Variants in UBE2R2 observed in about 807,000 individuals in gnomAD.
UBE2R2 encodes the protein ubiquitin conjugating enzyme E2 R2.
Under a neutral mutation model 27.8 loss-of-function variants are expected in UBE2R2, and 1 was observed. The observed-to-expected ratio is 0.04, with a 90% CI of 0.01 to 0.17. UBE2R2 has a LOEUF of 0.17. Ranked by LOEUF, UBE2R2 falls within the 10% of genes least tolerant of loss-of-function variation. The probability of loss-of-function intolerance (pLI) is 1.00; values close to 1 mark genes in which losing one functional copy is unlikely to be tolerated. For synonymous variants in UBE2R2, 106 were observed against 113.3 expected (o/e 0.94, Z 0.41); for missense variants, 100 against 291.0 (o/e 0.34, Z 4.78).
At chr9:33,834,952 T>C (rs2130731596) in intron 1 of UBE2R2, among the ~76,000 whole-genome samples, 1 of 151,326 alleles carries the variant, frequency 6.6e-6, no homozygotes, top group Admixed American at 6.6e-5. Context: ...AAAGAAAATA[T>C]TGATAAACAA....
intron 1 of UBE2R2, among the ~76,000 whole-genome samples, chr9:33,833,735 A>G (rs910076906): frequency 1.3e-5 from 2 of 152,076 alleles, no homozygotes; most frequent in African/African-American, 2.4e-5. Flanking sequence ...ATCATGACCT[A>G]TTTTCTAAAC....
intron 1 of UBE2R2, among the ~76,000 whole-genome samples, chr9:33,859,167 T>C (rs1821169538): frequency 6.6e-6 from 1 of 152,170 alleles, no homozygotes; most frequent in African/African-American, 2.4e-5. Context: ...CTATGAATTG[T>C]GGTTTCTGAG....
At chr9:33,841,126 A>G (rs1375053613) in intron 1 of UBE2R2, among the ~76,000 whole-genome samples, 1 of 150,646 alleles carries the variant, frequency 6.6e-6, no homozygotes, top group Non-Finnish European at 1.5e-5. Flanking sequence ...TTTATCCCCC[A>G]GGCTGGTGTG....
At chr9:33,834,192 CTTTTTTTTTTTCTT>C (rs1820560905) in intron 1 of UBE2R2, among the ~76,000 whole-genome samples, 1 of 141,112 alleles carries the variant, frequency 7.1e-6, no homozygotes, top group South Asian at 2.2e-4. Context: ...CTTGGAGCTT[CTTTTTTTTTTTCTT>C]TTTTTTTTTT....
chr9:33,845,646 C>T (rs576531653), intron 1 of UBE2R2, among the ~76,000 whole-genome samples: 1 of 152,238 alleles, frequency 6.6e-6, no homozygotes, highest in African/African-American at 2.4e-5. Flanking sequence ...GAGCCATCCA[C>T]CTAATTTAGT....
At chr9:33,877,094 G>A (rs1241775393) in intron 1 of UBE2R2, among the ~76,000 whole-genome samples, 3 of 151,102 alleles carry the variant, frequency 2.0e-5, no homozygotes, top group Non-Finnish European at 4.4e-5. Context: ...CAGTGAGCTG[G>A]ACAACAGAGC....
At chr9:33,908,217 C>T (rs1397214428) in intron 3 of UBE2R2, among the ~76,000 whole-genome samples, 1 of 152,206 alleles carries the variant, frequency 6.6e-6, no homozygotes, top group African/African-American at 2.4e-5. Context: ...CATCCATCTG[C>T]CTGAGGAGAC....
At chr9:33,911,604 A>T (rs1173031516) in intron 3 of UBE2R2, among the ~76,000 whole-genome samples, 1 of 152,106 alleles carries the variant, frequency 6.6e-6, no homozygotes, top group African/African-American at 2.4e-5. Flanking sequence ...ACATGTGACC[A>T]GTTGAAACAG....
chr9:33,850,722 C>G (rs1026802327), intron 1 of UBE2R2, among the ~76,000 whole-genome samples: 16 of 152,026 alleles, frequency 1.1e-4, no homozygotes, highest in African/African-American at 3.9e-4. Context: ...AAAAATAGTT[C>G]ACATATATAG....
rs192377967 is a variant in UBE2R2 at position 33,917,511 on chromosome 9, A to C, written c.*274A>C. On this transcript the variant is annotated 3_prime_UTR_variant, in exon 5 of 5. Coordinates refer to ENST00000263228, the MANE Select transcript of UBE2R2 (RefSeq NM_017811.4). ...CTTTTTTTAAAAAATATGAACCCAA[A>C]CTCCCGCCTCACTTCGTCTCTACAG... is the stretch of plus-strand genomic sequence containing the variant. 80 of 540,570 alleles carry C rather than the reference A, an allele frequency of 1.5e-4. No homozygotes were observed. In the East Asian group the frequency reaches 2.3e-3, roughly 15 times the overall value. The allele number at this position is 540,570 out of a possible 1,614,324, so 33.5% of individuals were successfully genotyped here. A position where few individuals can be genotyped will look rare whatever the true frequency, so the allele number is the denominator to read the frequency against.
upstream of UBE2R2, among the ~76,000 whole-genome samples, chr9:33,817,057 G>A (rs1438039618): frequency 6.6e-6 from 1 of 151,166 alleles, no homozygotes; most frequent in East Asian, 2.0e-4. Context: ...GGGGGGAGGG[G>A]AGGGAGGGGC....
chr9:33,821,812 T>G (rs1825986061), intron 1 of UBE2R2, among the ~76,000 whole-genome samples: 1 of 151,738 alleles, frequency 6.6e-6, no homozygotes, highest in Non-Finnish European at 1.5e-5. Context: ...AGAGACAGGG[T>G]TTCACCATGT....
At chr9:33,840,857 ATTC>A (rs1820718487) in intron 1 of UBE2R2, among the ~76,000 whole-genome samples, 1 of 152,118 alleles carries the variant, frequency 6.6e-6, no homozygotes, top group African/African-American at 2.4e-5. Flanking sequence ...GCCTTTATTT[ATTC>A]TTTTTTCAAA....
At chr9:33,869,504 T>C (rs1321530097) in intron 1 of UBE2R2, among the ~76,000 whole-genome samples, 3 of 152,022 alleles carry the variant, frequency 2.0e-5, no homozygotes, top group Non-Finnish European at 2.9e-5. Flanking sequence ...TGGAGTGTAA[T>C]GGTGCAGTCT....
intron 1 of UBE2R2, among the ~76,000 whole-genome samples, chr9:33,849,306 A>G (rs1010468264): frequency 6.6e-6 from 1 of 152,178 alleles, no homozygotes; most frequent in African/African-American, 2.4e-5. Flanking sequence ...TAATATGTGC[A>G]CTGCTCTGTG....
chr9:33,912,614 A>G (rs1435047349), intron 4 of UBE2R2, among the ~76,000 whole-genome samples: 2 of 148,494 alleles, frequency 1.3e-5, no homozygotes, highest in African/African-American at 5.0e-5. Flanking sequence ...ACAGTGCGAG[A>G]CTCCATCTCA....
At position 33,829,357 on chromosome 9, in the gene UBE2R2, G is replaced by C. The variant is rs147973016; in HGVS notation, c.177+11423G>C. Among the ~76,000 whole-genome samples, 480 of 152,234 alleles carry C rather than the reference G, an allele frequency of 3.2e-3. 6 individuals carry two copies. The highest frequency in any genetic ancestry group is 0.011 in the African/African-American group (442 of 41,536). On this transcript the variant is annotated intron_variant, in intron 1 of 4. Transcript: ENST00000263228. Reference sequence around the variant, plus strand: ...GAGAAAAATATAAGTCTAAGAATTTGGTTTTGGAGACATTGGGTACTCAGA... The same window carrying C: ...GAGAAAAATATAAGTCTAAGAATTTCGTTTTGGAGACATTGGGTACTCAGA...
chr9:33,827,161 C>T (rs1485655249), intron 1 of UBE2R2, among the ~76,000 whole-genome samples: 2 of 151,678 alleles, frequency 1.3e-5, no homozygotes, highest in Non-Finnish European at 2.9e-5. Context: ...TGACGCTGTT[C>T]GAATAAAAAA....
At chr9:33,896,016 G>A (rs1323114998) in intron 2 of UBE2R2, among the ~76,000 whole-genome samples, 3 of 151,854 alleles carry the variant, frequency 2.0e-5, no homozygotes, top group Non-Finnish European at 2.9e-5. Flanking sequence ...CAAGTGATCT[G>A]CCAGCCCCGG....
Sources: allele counts gnomAD v4.1 joint callset (sites outside exome capture counted in the v4.1 genomes callset), GRCh38; gene constraint gnomAD v4.1.1; transcripts MANE v1.5; gene names NCBI Gene and HGNC (gene_info 2026-07-23, HGNC 2026-07-21).